OSBPL5: variants seen among roughly 807,000 people sequenced by gnomAD.
The protein encoded by OSBPL5 is oxysterol-binding protein-related protein 5.
A neutral mutation model predicts 111.2 loss-of-function variants in OSBPL5; 71 were observed. That is an observed-to-expected ratio of 0.64 (90% CI 0.53 to 0.78). The LOEUF (loss-of-function observed/expected upper bound fraction) is 0.78. Among genes scored for constraint, OSBPL5 ranks in the 30% least tolerant of loss-of-function variants. The pLI, the probability that OSBPL5 is intolerant of heterozygous loss-of-function variation, is 0.00. For missense variants in OSBPL5, 1,210 were observed against 1,189.3 expected (o/e 1.02, Z -0.26); for synonymous variants, 549 against 513.9 (o/e 1.07, Z -0.93).
At position 3,107,699 on chromosome 11, in the gene OSBPL5, C is replaced by T. The variant is rs974896790; in HGVS notation, c.866+72G>A. ...CACCAGAGCAGTGGCTGGGGCTGTC[C>T]TCTCCCCTCTTCCTCGCCTACAAGG... On this transcript the variant is annotated intron_variant, in intron 8 of 21. Coordinates refer to ENST00000263650, the MANE Select transcript of OSBPL5 (RefSeq NM_020896.4). The surrounding 1 kb of genome is among the most constrained non-coding windows in gnomAD (Gnocchi z 6.1). The T allele has an allele frequency of 1.6e-5, 25 of 1,567,986 alleles. No homozygotes were observed. The African/African-American group carries it at 3.2e-4, about 20-fold the overall frequency.
chr11:3,103,751 TTCCAGCTCTGCAGCCCCC>T (rs1857556177), intron 10 of OSBPL5, among the ~76,000 whole-genome samples: 1 of 48,610 alleles, frequency 2.1e-5, no homozygotes, highest in Non-Finnish European at 5.4e-5. Context: ...TGCAACCCTC[TTCCAGCTCTGCAGCCCCC>T]TTCCAGCCTC....
chr11:3,123,210 G>A (rs1785306688), intron 3 of OSBPL5, among the ~76,000 whole-genome samples: 1 of 152,228 alleles, frequency 6.6e-6, no homozygotes, highest in African/African-American at 2.4e-5. Flanking sequence ...TGGGGAACCT[G>A]AGGCAGGGTA....
Position 3,100,186 on chromosome 11 carries a change from G to A in OSBPL5, c.1593C>T (p.Thr531=), listed in dbSNP as rs1050177769. Residue 531 remains threonine, a synonymous_variant, in exon 14 of 22, where the codon ACC becomes ACT. Transcript: ENST00000263650. ...TGCAGTGGGCGTAGGGCATGGTAAG[G>A]GTGTAATCCTCGGCTCGGTTCAGGA... ...LTFLNRAEDY[T]LTMPYAHCKG... 3.1e-6 allele frequency: 5 copies of A among 1,614,172 alleles called. No homozygotes were observed. Among genetic ancestry groups the A allele is most frequent in the Non-Finnish European group, 4.2e-6 (5 of 1,180,018 alleles).
At chr11:3,120,679 G>T in intron 5 of OSBPL5, 55 bp from the exon 6 acceptor site, 1 of 1,585,178 alleles carries the variant, frequency 6.3e-7, no homozygotes, top group Non-Finnish European at 8.6e-7. Flanking sequence ...CATCCCTGGG[G>T]CATCTTGATG....
chr11:3,163,820 G>T (rs944202473), intron 1 of OSBPL5: 1 of 152,260 alleles, frequency 6.6e-6, no homozygotes, highest in African/African-American at 2.4e-5. Flanking sequence ...CCCCACACGC[G>T]TGCAGGCAGA....
intron 1 of OSBPL5, among the ~76,000 whole-genome samples, chr11:3,145,637 TG>T (rs1442158029): frequency 6.6e-6 from 1 of 152,170 alleles, no homozygotes; most frequent in Admixed American, 6.5e-5. Context: ...GGGTCTGCGC[TG>T]GGGGCTGCTT....
chr11:3,088,489 G>A, intron 21 of OSBPL5, 146 bp from the exon 22 acceptor site: 2 of 965,474 alleles, frequency 2.1e-6, no homozygotes, highest in Non-Finnish European at 2.8e-6. Flanking sequence ...GGGCAACAGA[G>A]CGGGTGGGGG....
intron 13 of OSBPL5, among the ~76,000 whole-genome samples, chr11:3,101,260 C>G (rs1270132571): frequency 2.1e-4 from 1 of 4,760 alleles, no homozygotes; most frequent in Non-Finnish European, 3.9e-4. Flanking sequence ...CAGGCGTGAG[C>G]CACCATGCTT....
chr11:3,098,495 A>ATTTTTT lies in OSBPL5; in HGVS notation c.1621+1657_1621+1662dup, dbSNP rs552382553. Among the ~76,000 whole-genome samples, 24 of 81,190 alleles carry ATTTTTT rather than the reference A, an allele frequency of 3.0e-4. 1 individual carries two copies. Among genetic ancestry groups the ATTTTTT allele is most frequent in the African/African-American group, 1.4e-3 (23 of 15,910 alleles). 53.3% of individuals were successfully genotyped at this position (81,190 alleles called of 152,430 possible). A position where few individuals can be genotyped will look rare whatever the true frequency, so the allele number is the denominator to read the frequency against. On this transcript the variant is annotated intron_variant, in intron 14 of 21. Transcript: ENST00000263650. ...TCAAGCCATAAAAAGACATGAAGGA[A>ATTTTTT]TTTTTTTTTTTTTTTTTTTTTTTTT... is the stretch of plus-strand genomic sequence containing the variant.
intron 1 of OSBPL5, among the ~76,000 whole-genome samples, chr11:3,147,944 G>A (rs1433863665): frequency 6.6e-6 from 1 of 152,102 alleles, no homozygotes; most frequent in Non-Finnish European, 1.5e-5. Flanking sequence ...GCTGCCCTCG[G>A]TTCCCAGGAC....
chr11:3,098,536 G>A (rs1215192179), intron 14 of OSBPL5, among the ~76,000 whole-genome samples: 3 of 109,512 alleles, frequency 2.7e-5, no homozygotes, highest in African/African-American at 4.0e-5. Context: ...ATGGAGTTTC[G>A]CTCTTGTTGC....
At chr11:3,136,405 C>T (rs1359614417) in intron 1 of OSBPL5, among the ~76,000 whole-genome samples, 2 of 152,248 alleles carry the variant, frequency 1.3e-5, no homozygotes, top group Non-Finnish European at 2.9e-5. Flanking sequence ...CTTAGCTGAA[C>T]CTTGGCCAGG....
Position 3,114,699 on chromosome 11 carries a change from C to T in OSBPL5, c.691+4848G>A, listed in dbSNP as rs924315271. On this transcript the variant is annotated intron_variant, in intron 7 of 21. Coordinates refer to ENST00000263650, the MANE Select transcript of OSBPL5 (RefSeq NM_020896.4). ...CTGCAAGCTCCACCTCCTGGGTTCA[C>T]GCCATTCTCCTGCCCCAGCCTCCTG... 6.9e-5 allele frequency among the ~76,000 whole-genome samples: 10 copies of T among 145,776 alleles called. No individual in the cohort carries two copies. The East Asian group carries it at 8.3e-4, about 12-fold the overall frequency.
Position 3,126,647 on chromosome 11 carries a change from G to T in OSBPL5, c.137-92C>A. The T allele has an allele frequency of 8.8e-7, 1 of 1,141,082 alleles. No individual in the cohort carries two copies. The highest frequency in any genetic ancestry group is 1.2e-6 in the Non-Finnish European group (1 of 812,308). 70.7% of individuals were successfully genotyped at this position (1,141,082 alleles called of 1,614,324 possible). A position where few individuals can be genotyped will look rare whatever the true frequency, so the allele number is the denominator to read the frequency against. On this transcript the variant is annotated intron_variant, in intron 2 of 21. Coordinates refer to ENST00000263650, the MANE Select transcript of OSBPL5 (RefSeq NM_020896.4). The surrounding 1 kb of genome is among the most constrained non-coding windows in gnomAD (Gnocchi z 6.5). ...CTGGTGTGAGGCAGGCGAAGCGTGG[G>T]TGCGGATGACCTGGGAGGGGCAGGA...
intron 1 of OSBPL5, among the ~76,000 whole-genome samples, chr11:3,160,672 T>C (rs772334034): frequency 0.08 from 9,741 of 121,028 alleles, no homozygotes; most frequent in Non-Finnish European, 0.084. Context: ...ATGACAACCC[T>C]CCCCCCCCCC....
In OSBPL5 at chr11:3,093,979, T is replaced by G; in HGVS notation, c.1720-144A>C. The G allele has an allele frequency of 3.9e-6, 4 of 1,020,704 alleles. No homozygotes were observed. In the South Asian group the frequency reaches 6.3e-5, roughly 16 times the overall value. 63.2% of individuals were successfully genotyped at this position (1,020,704 alleles called of 1,614,324 possible). A position where few individuals can be genotyped will look rare whatever the true frequency, so the allele number is the denominator to read the frequency against. On this transcript the variant is annotated intron_variant, in intron 15 of 21. Coordinates refer to ENST00000263650, the MANE Select transcript of OSBPL5 (RefSeq NM_020896.4). ...GGACCCAACCCTCGCCAACGAGGCCTTCGGGACCCCCACGCCTCCGCTCAA... is the reference window on the plus strand; with the variant it reads ...GGACCCAACCCTCGCCAACGAGGCCGTCGGGACCCCCACGCCTCCGCTCAA...
Position 3,120,472 on chromosome 11 carries a change from G to GCCGT in OSBPL5, c.551_554dup (p.Phe186ArgfsTer23). ...GCGGGTGGAAGAGCTTGAAGCAGAA[G>GCCGT]CCGTCCTTCTTGGAGGGCCGCTCGA... On this transcript the variant is annotated frameshift_variant, in exon 6 of 22. Transcript: ENST00000263650. LOFTEE classifies it high-confidence loss of function. 7 of 1,613,348 alleles carry GCCGT rather than the reference G, an allele frequency of 4.3e-6. No homozygotes were observed. Among genetic ancestry groups the GCCGT allele is most frequent in the Non-Finnish European group, 5.9e-6 (7 of 1,180,040 alleles).
At chr11:3,127,364 C>T (rs140989317) in intron 2 of OSBPL5, among the ~76,000 whole-genome samples, 51 of 152,352 alleles carry the variant, frequency 3.3e-4, no homozygotes, top group African/African-American at 7.0e-4. Flanking sequence ...CGTGGACAGA[C>T]GCCACAGACC....
intron 14 of OSBPL5, among the ~76,000 whole-genome samples, chr11:3,095,304 C>T (rs2134391325): frequency 8.6e-6 from 1 of 116,574 alleles, no homozygotes; most frequent in East Asian, 2.1e-4. Flanking sequence ...GAGTGAGACT[C>T]TGTCTCAAAA....
Sources: gnomAD v4.1 joint callset for allele counts (sites outside exome capture counted in the v4.1 genomes callset) on GRCh38, gnomAD v4.1.1 for gene constraint, Gnocchi (gnomAD v3.1) non-coding constraint, MANE v1.5 for transcripts, NCBI Gene and HGNC (gene_info 2026-07-23, HGNC 2026-07-21) for gene names.